HECTD2: variants seen among roughly 807,000 people sequenced by gnomAD.
HECTD2 encodes HECT domain E3 ubiquitin protein ligase 2.
HECTD2 carries 35 observed loss-of-function variants against 103.2 expected under a neutral mutation model. That is an observed-to-expected ratio of 0.34 (90% CI 0.26 to 0.45). The LOEUF is 0.45. Among genes scored for constraint, HECTD2 ranks in the 20% least tolerant of loss-of-function variants. The pLI is 1.00. For synonymous variants in HECTD2, 281 were observed against 329.9 expected, an observed-to-expected ratio of 0.85 and a Z score of 1.61; for missense variants, 596 against 937.4, an observed-to-expected ratio of 0.64 and a Z score of 4.76.
chr10:91,462,079 T>G lies in HECTD2; in HGVS notation c.511-16T>G, dbSNP rs758711616. 2 of 1,552,602 alleles carry G rather than the reference T, an allele frequency of 1.3e-6. No homozygotes were observed. The highest frequency in any genetic ancestry group is 2.7e-5 in the African/African-American group (2 of 73,458). ...TAAAATGTTGAATATACTTAATTCT[T>G]AAATTGAATTTGCAGAAAGATGCCA... On this transcript the variant is annotated splice_polypyrimidine_tract_variant and intron_variant, in intron 4 of 20. Coordinates refer to ENST00000298068, the MANE Select transcript of HECTD2 (RefSeq NM_182765.6).
chr10:91,413,980 ATGGAT>A (rs980961235), intron 1 of HECTD2, among the ~76,000 whole-genome samples: 2 of 152,184 alleles, frequency 1.3e-5, no homozygotes, highest in African/African-American at 4.8e-5. Context: ...ACTGAGGTTG[ATGGAT>A]TGGAGTGGAA....
At chr10:91,468,354 T>C (rs1293993284) in intron 5 of HECTD2, among the ~76,000 whole-genome samples, 1 of 152,032 alleles carries the variant, frequency 6.6e-6, no homozygotes, top group Non-Finnish European at 1.5e-5. Flanking sequence ...ACCCACTTTA[T>C]ACCACAATCA....
chr10:91,431,258 C>G (rs1290249226), intron 2 of HECTD2, among the ~76,000 whole-genome samples: 1 of 151,924 alleles, frequency 6.6e-6, no homozygotes, highest in African/African-American at 2.4e-5. Flanking sequence ...TGCTGTTAGT[C>G]TGATGGGCTT....
At chr10:91,410,685 G>A in intron 1 of HECTD2, 109 bp downstream of exon 1, 1 of 1,041,896 alleles carries the variant, frequency 9.6e-7, no homozygotes, top group Non-Finnish European at 1.3e-6. Flanking sequence ...GCACGCCCTG[G>A]CACTCCAGGG....
chr10:91,445,234 C>T (rs1589489265), intron 2 of HECTD2, among the ~76,000 whole-genome samples: 1 of 152,132 alleles, frequency 6.6e-6, no homozygotes, highest in Non-Finnish European at 1.5e-5. Context: ...GATAACTGTT[C>T]CTGGCTAGCC....
chr10:91,436,137 G>A (rs895081692), intron 2 of HECTD2, among the ~76,000 whole-genome samples: 2 of 151,594 alleles, frequency 1.3e-5, no homozygotes, highest in Non-Finnish European at 2.9e-5. Context: ...ATTCTTCCAC[G>A]TTGCTTTTGT....
At chr10:91,415,513 G>C (rs1589453342) in intron 1 of HECTD2, among the ~76,000 whole-genome samples, 1 of 152,164 alleles carries the variant, frequency 6.6e-6, no homozygotes, top group Admixed American at 6.5e-5. Flanking sequence ...CAACAACCCT[G>C]TGAGGAAGAT....
At chr10:91,507,151 A>G (rs1847219213) in intron 20 of HECTD2, among the ~76,000 whole-genome samples, 1 of 151,766 alleles carries the variant, frequency 6.6e-6, no homozygotes, top group Middle Eastern at 3.4e-3. Context: ...ATCTATGACA[A>G]ACCCACAGCC....
Position 91,512,490 on chromosome 10 carries a change from C to T in HECTD2, c.*106C>T, listed in dbSNP as rs911942511. The stretch of plus-strand genomic sequence containing the variant: ...TCTCAAAACACTTTGACAAAGCTCA[C>T]CAACTTTAAAATATTAAGTTTTTAA... On this transcript the variant is annotated 3_prime_UTR_variant, in exon 21 of 21. Coordinates refer to ENST00000298068, the MANE Select transcript of HECTD2 (RefSeq NM_182765.6). 2 of 1,027,826 alleles carry T rather than the reference C, an allele frequency of 1.9e-6. No individual in the cohort carries two copies. Among genetic ancestry groups the T allele is most frequent in the African/African-American group, 3.2e-5 (2 of 62,784 alleles). The allele number at this position is 1,027,826 out of a possible 1,614,324, so 63.7% of individuals were successfully genotyped here.
intron 2 of HECTD2, among the ~76,000 whole-genome samples, chr10:91,451,547 T>G (rs1844829394): frequency 6.6e-6 from 1 of 152,010 alleles, no homozygotes. Context: ...CAAATTCTTG[T>G]GCCCCACTCC....
intron 3 of HECTD2, 68 bp downstream of exon 3, chr10:91,460,633 CTTTA>C (rs1033677358): frequency 2.5e-5 from 36 of 1,430,432 alleles, no homozygotes; most frequent in Non-Finnish European, 3.2e-5. Flanking sequence ...AATTTAATAT[CTTTA>C]TTTGAGAAAT....
intron 1 of HECTD2, 120 bp downstream of exon 1, chr10:91,410,696 A>C: frequency 3.3e-6 from 3 of 899,584 alleles, no homozygotes; most frequent in Non-Finnish European, 4.5e-6. Context: ...CACTCCAGGG[A>C]GACGCACTCA....
chr10:91,477,188 A>C (rs1298893547), intron 5 of HECTD2, among the ~76,000 whole-genome samples: 1 of 128,142 alleles, frequency 7.8e-6, no homozygotes, highest in East Asian at 2.3e-4. Flanking sequence ...ACTCCGTCTC[A>C]AAAAAAAAAA....
chr10:91,482,973 C>A lies in HECTD2; in HGVS notation c.718C>A (p.Gln240Lys). 6.9e-7 allele frequency: 1 copy of A among 1,451,284 alleles called. No homozygotes were observed. Among genetic ancestry groups the A allele is most frequent in the Non-Finnish European group, 9.5e-7 (1 of 1,049,892 alleles). The allele number at this position is 1,451,284 out of a possible 1,614,324, so 89.9% of individuals were successfully genotyped here. ...RAYFILLQNP[Q>K]FNNTSTYVIY... ...TCTTTAATATCTTTTTCAGAATCCT[C>A]AGTTTAATAACACATCTACGTATGT... The change falls in exon 8 of 21, where the codon CAG becomes AAG. Residue 240 changes from glutamine to lysine, a missense_variant. Around this residue, in one of 4 missense-constraint regions of HECTD2, gnomAD observed 303 missense variants for 522.5 expected, o/e 0.58. Coordinates refer to ENST00000298068, the MANE Select transcript of HECTD2 (RefSeq NM_182765.6).
In HECTD2 at chr10:91,438,470, C is replaced by T. The variant is rs577276147; in HGVS notation, c.268+13060C>T. Among the ~76,000 whole-genome samples, 44 of 152,274 alleles carry T rather than the reference C, an allele frequency of 2.9e-4. 1 individual carries two copies. The South Asian group carries it at 9.1e-3, about 32-fold the overall frequency. On this transcript the variant is annotated intron_variant, in intron 2 of 20. Coordinates refer to ENST00000298068, the MANE Select transcript of HECTD2 (RefSeq NM_182765.6). ...TGCATATGTGCCATATTTTCTTTAT[C>T]CAGTCCATCATTGATGGGCATTTGG...
chr10:91,463,730 G>A (rs1845436866), intron 5 of HECTD2: 1 of 152,100 alleles, frequency 6.6e-6, no homozygotes, highest in African/African-American at 2.4e-5. Flanking sequence ...TGTCATTGGA[G>A]AAATGAAAAT....
intron 5 of HECTD2, among the ~76,000 whole-genome samples, chr10:91,469,787 T>C (rs1245115332): frequency 6.6e-6 from 1 of 152,178 alleles, no homozygotes; most frequent in African/African-American, 2.4e-5. Context: ...GCAAGTTGTA[T>C]AAGAAGAAAG....
In HECTD2 at chr10:91,497,126, ATTTTTTTTTTTT is replaced by A. The variant is rs56923120; in HGVS notation, c.1680+772_1680+783del. On this transcript the variant is annotated intron_variant, in intron 15 of 20. Coordinates refer to ENST00000298068, the MANE Select transcript of HECTD2 (RefSeq NM_182765.6). ...AGGCATGTGCCACCGTGCCCGGCAA[ATTTTTTTTTTTT>A]TTTTTTTTTTTTTTTTTAGCAGAGA... 9.2e-5 allele frequency among the ~76,000 whole-genome samples: 9 copies of A among 97,360 alleles called. No homozygotes were observed. In the South Asian group the frequency reaches 2.5e-3, roughly 27 times the overall value. The allele number at this position is 97,360 out of a possible 152,430, so 63.9% of individuals were successfully genotyped here.
chr10:91,511,950 C>T (rs7920553), intron 20 of HECTD2, among the ~76,000 whole-genome samples: 20,305 of 152,174 alleles, frequency 0.13, 3,095 homozygotes, highest in African/African-American at 0.38. Context: ...AACAAGACCC[C>T]ACAGCTAGTA....
Sources: allele counts gnomAD v4.1 joint callset (sites outside exome capture counted in the v4.1 genomes callset), GRCh38; gene constraint gnomAD v4.1.1; regional missense constraint gnomAD v4.1.1; transcripts MANE v1.5; gene names NCBI Gene and HGNC (gene_info 2026-07-23, HGNC 2026-07-21).